Variants in TBC1D12 observed in about 807,000 individuals in gnomAD.
The protein encoded by TBC1D12 is TBC1 domain family member 12.
TBC1D12 carries 56 observed loss-of-function variants against 86.7 expected under a neutral mutation model. That is an observed-to-expected ratio of 0.65 (90% CI 0.52 to 0.81). The LOEUF is 0.81. Among genes scored for constraint, TBC1D12 ranks in the 30% least tolerant of loss-of-function variants. The probability of loss-of-function intolerance (pLI) is 0.00; values close to 1 mark genes in which losing one functional copy is unlikely to be tolerated. For missense variants in TBC1D12, 1,023 were observed against 1,038.8 expected, an observed-to-expected ratio of 0.98 and a Z score of 0.21; for synonymous variants, 421 against 411.7, an observed-to-expected ratio of 1.02 and a Z score of -0.27.
chr10:94,479,709 A>G (rs1429691588), intron 3 of TBC1D12, among the ~76,000 whole-genome samples: 3 of 152,206 alleles, frequency 2.0e-5, no homozygotes, highest in South Asian at 2.1e-4. Context: ...ACTAAACTCC[A>G]TGGATTTTAA....
chr10:94,521,226 A>C (rs868607067), intron 9 of TBC1D12, among the ~76,000 whole-genome samples: 4 of 144,746 alleles, frequency 2.8e-5, no homozygotes, highest in Non-Finnish European at 6.0e-5. Flanking sequence ...GAAACCAAAA[A>C]AAAAAAAAAA....
At chr10:94,460,919 T>C (rs2055718400) in intron 2 of TBC1D12, among the ~76,000 whole-genome samples, 1 of 152,216 alleles carries the variant, frequency 6.6e-6, no homozygotes, top group Non-Finnish European at 1.5e-5. Flanking sequence ...TTTTAATCTT[T>C]AGTATTTCTT....
chr10:94,530,515 A>G (rs1842395267), intron 11 of TBC1D12, among the ~76,000 whole-genome samples: 2 of 152,212 alleles, frequency 1.3e-5, no homozygotes, highest in African/African-American at 4.8e-5. Flanking sequence ...TTTATTTAGC[A>G]TTTCTTACAT....
At chr10:94,425,633 T>C (rs964904313) in intron 1 of TBC1D12, among the ~76,000 whole-genome samples, 1 of 152,228 alleles carries the variant, frequency 6.6e-6, no homozygotes, top group Non-Finnish European at 1.5e-5. Context: ...GAGCTCACAT[T>C]TTAATGCAGA....
At chr10:94,518,149 G>T (rs1842050544) in intron 9 of TBC1D12, among the ~76,000 whole-genome samples, 1 of 151,984 alleles carries the variant, frequency 6.6e-6, no homozygotes. Context: ...GCTCTGTACT[G>T]CAATTGCTGT....
At chr10:94,419,944 A>G (rs1564938109) in intron 1 of TBC1D12, among the ~76,000 whole-genome samples, 2 of 152,234 alleles carry the variant, frequency 1.3e-5, no homozygotes, top group African/African-American at 2.4e-5. Flanking sequence ...GAATGCTGGC[A>G]ACCATATTTT....
At chr10:94,512,170 C>T (rs912033286) in intron 9 of TBC1D12, among the ~76,000 whole-genome samples, 3 of 152,180 alleles carry the variant, frequency 2.0e-5, no homozygotes, top group African/African-American at 7.2e-5. Context: ...TATTGGCTTC[C>T]TCCTCTGTAG....
chr10:94,521,160 A>C (rs1231560927), intron 9 of TBC1D12, among the ~76,000 whole-genome samples: 1 of 149,782 alleles, frequency 6.7e-6, no homozygotes, highest in East Asian at 2.0e-4. Flanking sequence ...CAGTGAGATG[A>C]TATGCCACTG....
chr10:94,453,089 T>C (rs1333750584), intron 2 of TBC1D12, among the ~76,000 whole-genome samples: 2 of 152,230 alleles, frequency 1.3e-5, no homozygotes, highest in African/African-American at 4.8e-5. Context: ...TCTGATGATA[T>C]ACAGGTCTTT....
intron 1 of TBC1D12, among the ~76,000 whole-genome samples, chr10:94,429,020 A>G (rs1419495323): frequency 6.6e-6 from 1 of 152,046 alleles, no homozygotes; most frequent in Non-Finnish European, 1.5e-5. Context: ...ATTGACTCTT[A>G]ATAAAGAACT....
At chr10:94,422,118 C>G (rs1187866614) in intron 1 of TBC1D12, among the ~76,000 whole-genome samples, 1 of 150,512 alleles carries the variant, frequency 6.6e-6, no homozygotes, top group Admixed American at 6.6e-5. Context: ...CTATCTGTAG[C>G]ACAGGCAGGA....
chr10:94,418,381 ATGT>A (rs1437851617), intron 1 of TBC1D12, among the ~76,000 whole-genome samples: 2 of 152,174 alleles, frequency 1.3e-5, no homozygotes, highest in Non-Finnish European at 2.9e-5. Context: ...TGTAACTGAA[ATGT>A]TGTAATATAA....
rs910421911 is a variant in TBC1D12 at position 94,533,954 on chromosome 10, G to A, written c.*858G>A. On this transcript the variant is annotated 3_prime_UTR_variant, in exon 13 of 13. Transcript: ENST00000225235. ...GAGTAAAAAGTAATGAATCCTGAGA[G>A]TTCTTAAACAGCATGCTACTTGGCA... 5 of 152,170 alleles carry A rather than the reference G, an allele frequency of 3.3e-5. No individual in the cohort carries two copies. The highest frequency in any genetic ancestry group is 4.8e-5 in the African/African-American group (2 of 41,450). 9.4% of individuals were successfully genotyped at this position (152,170 alleles called of 1,614,324 possible). A position where few individuals can be genotyped will look rare whatever the true frequency, so the allele number is the denominator to read the frequency against.
intron 2 of TBC1D12, among the ~76,000 whole-genome samples, chr10:94,467,225 TTTTTTG>T (rs998126428): frequency 2.0e-5 from 3 of 151,890 alleles, no homozygotes; most frequent in Non-Finnish European, 2.9e-5. Flanking sequence ...AGTCGAGTTT[TTTTTTG>T]TTTTTGTTTT....
At chr10:94,501,020 C>T (rs1428933533) in intron 6 of TBC1D12, among the ~76,000 whole-genome samples, 1 of 152,012 alleles carries the variant, frequency 6.6e-6, no homozygotes, top group Non-Finnish European at 1.5e-5. Flanking sequence ...CGCGCCTGTG[C>T]ACTCCAGCCT....
rs1042487762 is a variant in TBC1D12 at position 94,533,272 on chromosome 10, A to T, written c.*176A>T. 5.3e-5 allele frequency: 25 copies of T among 469,712 alleles called. No individual in the cohort carries two copies. The highest frequency in any genetic ancestry group is 7.8e-5 in the Non-Finnish European group (21 of 269,534). The allele number at this position is 469,712 out of a possible 1,614,324, so 29.1% of individuals were successfully genotyped here. On this transcript the variant is annotated 3_prime_UTR_variant, in exon 13 of 13. Coordinates refer to ENST00000225235, the MANE Select transcript of TBC1D12 (RefSeq NM_015188.2). Reference sequence around the variant, plus strand: ...AGTAAATGAAATAAGTAACTTATTGACAGTATTAATAAACTATTATTTTGT... The same window carrying T: ...AGTAAATGAAATAAGTAACTTATTGTCAGTATTAATAAACTATTATTTTGT...
intron 2 of TBC1D12, among the ~76,000 whole-genome samples, chr10:94,471,325 T>C (rs976828980): frequency 6.6e-6 from 1 of 151,762 alleles, no homozygotes; most frequent in African/African-American, 2.4e-5. Context: ...ACATAAATTA[T>C]ATTCTAGCTG....
At chr10:94,504,843 A>G (rs1212761043) in intron 6 of TBC1D12, among the ~76,000 whole-genome samples, 1 of 152,242 alleles carries the variant, frequency 6.6e-6, no homozygotes, top group Non-Finnish European at 1.5e-5. Context: ...TCAGAAAGCA[A>G]AATATACACT....
At position 94,532,368 on chromosome 10, in the gene TBC1D12, G is replaced by A. The variant is rs549261319; in HGVS notation, c.2260-660G>A. On this transcript the variant is annotated intron_variant, in intron 12 of 12. Coordinates refer to ENST00000225235, the MANE Select transcript of TBC1D12 (RefSeq NM_015188.2). ...AATTTTTTGTATTTTTAGTAGAGAC[G>A]GGGTTTCACCATGTTAGCCAGGATG... Among the ~76,000 whole-genome samples, 7 of 152,070 alleles carry A rather than the reference G, an allele frequency of 4.6e-5. No individual in the cohort carries two copies. The South Asian group carries it at 8.3e-4, about 18-fold the overall frequency.
Sources: allele counts gnomAD v4.1 joint callset (sites outside exome capture counted in the v4.1 genomes callset), GRCh38; gene constraint gnomAD v4.1.1; transcripts MANE v1.5; gene names NCBI Gene and HGNC (gene_info 2026-07-23, HGNC 2026-07-21).